Variants in ZC3H12B observed in about 807,000 individuals in gnomAD.
ZC3H12B encodes probable ribonuclease ZC3H12B.
Under a neutral mutation model 43.9 loss-of-function variants are expected in ZC3H12B, and 7 were observed. The ratio of observed to expected loss-of-function variants is 0.16; its 90% CI spans 0.09 to 0.30. The LOEUF is 0.30. Ranked by LOEUF, ZC3H12B falls within the 10% of genes least tolerant of loss-of-function variation. The pLI is 1.00. For missense variants in ZC3H12B, 475 were observed against 670.2 expected (o/e 0.71, Z 3.22); for synonymous variants, 222 against 241.7 (o/e 0.92, Z 0.76).
At chrX:65,119,743 T>A in the ZC3H12B span, among the ~76,000 whole-genome samples, 1 of 111,983 alleles carries the variant, frequency 8.9e-6, no homozygotes, top group South Asian at 3.7e-4. Flanking sequence ...CTGAATGGTA[T>A]TGCCTAGGTT....
At chrX:65,502,772 C>T in exon 5 of ZC3H12B, 1 of 1,209,354 alleles carries the variant, frequency 8.3e-7, no homozygotes, top group Non-Finnish European at 1.1e-6. Context: ...AACCCCCCAG[C>T]CAGGCCGTGC....
At chrX:65,182,197 A>G in the ZC3H12B span, among the ~76,000 whole-genome samples, 1 of 111,353 alleles carries the variant, frequency 9.0e-6, no homozygotes, top group Non-Finnish European at 1.9e-5. Context: ...GTGGGAGTTG[A>G]ACAATGAGAA....
intron 2 of ZC3H12B, among the ~76,000 whole-genome samples, chrX:65,375,703 C>A (rs1014287034): frequency 9.0e-6 from 1 of 111,141 alleles, no homozygotes; most frequent in Admixed American, 9.6e-5. Context: ...CAGAAGGGAA[C>A]CCACCACCTT....
chrX:65,043,539 T>C, the ZC3H12B span, among the ~76,000 whole-genome samples: 2 of 110,518 alleles, frequency 1.8e-5, no homozygotes, highest in Admixed American at 9.7e-5. Flanking sequence ...AACCTTGTGG[T>C]TTCTAGTTTT....
the ZC3H12B span, among the ~76,000 whole-genome samples, chrX:65,054,910 ATGTT>A: frequency 7.2e-5 from 8 of 111,389 alleles, no homozygotes; most frequent in African/African-American, 2.0e-4. Flanking sequence ...ATGTATAAGA[ATGTT>A]TGTGATTTTT....
chrX:65,292,082 A>G, the ZC3H12B span, among the ~76,000 whole-genome samples: 1 of 112,014 alleles, frequency 8.9e-6, no homozygotes, highest in African/African-American at 3.2e-5. Flanking sequence ...ACATATGAAG[A>G]CTTTAAAAGT....
chrX:65,106,232 C>T, the ZC3H12B span, among the ~76,000 whole-genome samples: 1 of 111,547 alleles, frequency 9.0e-6, no homozygotes, highest in South Asian at 3.7e-4. Context: ...TGGGCATCCA[C>T]TAATCATTAA....
intron 2 of ZC3H12B, among the ~76,000 whole-genome samples, chrX:65,373,995 TAGTATATATATATAACTATATATAC>T (rs1569379815): frequency 1.9e-5 from 1 of 51,718 alleles, no homozygotes; most frequent in Non-Finnish European, 2.8e-5. Context: ...TATATATATA[TAGTATATATATATAACTATATATAC>T]AGTATATATA....
the ZC3H12B span, among the ~76,000 whole-genome samples, chrX:65,158,408 A>G: frequency 3.6e-5 from 4 of 111,139 alleles, no homozygotes; most frequent in African/African-American, 1.3e-4. Context: ...AAGTGTTCCT[A>G]TTTCTCCACA....
chrX:65,324,055 T>A, the ZC3H12B span, among the ~76,000 whole-genome samples: 1 of 112,157 alleles, frequency 8.9e-6, no homozygotes, highest in South Asian at 3.6e-4. Context: ...GTTTTTTTCT[T>A]GTAAATTTGT....
At chrX:65,504,441 T>G (rs2068406525) in exon 5 of ZC3H12B, 1 of 112,475 alleles carries the variant, frequency 8.9e-6, no homozygotes, top group South Asian at 3.7e-4. Context: ...CTGCCAACAT[T>G]TATTAACAGT....
the ZC3H12B span, among the ~76,000 whole-genome samples, chrX:65,169,443 T>A: frequency 1.8e-5 from 2 of 112,023 alleles, no homozygotes; most frequent in Non-Finnish European, 3.8e-5. Flanking sequence ...TGAGGAGTGC[T>A]TTACTTCCAA....
the ZC3H12B span, among the ~76,000 whole-genome samples, chrX:65,264,910 G>A: frequency 9.0e-6 from 1 of 111,460 alleles, no homozygotes; most frequent in African/African-American, 3.3e-5. Flanking sequence ...ATCATAGAAT[G>A]TACAAGTTGA....
intron 3 of ZC3H12B, among the ~76,000 whole-genome samples, chrX:65,412,513 G>T (rs2066915581): frequency 9.0e-6 from 1 of 111,528 alleles, no homozygotes; most frequent in Admixed American, 9.5e-5. Flanking sequence ...TGTTCCCCAG[G>T]CTGGAATACA....
intron 3 of ZC3H12B, among the ~76,000 whole-genome samples, chrX:65,400,199 G>A (rs1198796605): frequency 3.6e-5 from 4 of 111,449 alleles, no homozygotes; most frequent in Admixed American, 2.9e-4. Context: ...AGCATCAATC[G>A]ATGTTATCAA....
chrX:65,250,628 T>C, the ZC3H12B span, among the ~76,000 whole-genome samples: 1 of 111,930 alleles, frequency 8.9e-6, no homozygotes, highest in Non-Finnish European at 1.9e-5. Flanking sequence ...TGATCACCAT[T>C]CTAACTGGCA....
the ZC3H12B span, among the ~76,000 whole-genome samples, chrX:65,281,632 G>A: frequency 8.9e-6 from 1 of 112,138 alleles, no homozygotes; most frequent in Non-Finnish European, 1.9e-5. Flanking sequence ...GCAGCAGAAC[G>A]AAACTAGACT....
At chrX:65,209,645 T>A in the ZC3H12B span, among the ~76,000 whole-genome samples, 1 of 109,860 alleles carries the variant, frequency 9.1e-6, no homozygotes, top group Non-Finnish European at 1.9e-5. Flanking sequence ...CTGAAAAAAA[T>A]GTATATTCTG....
the ZC3H12B span, among the ~76,000 whole-genome samples, chrX:65,136,754 G>A: frequency 9.0e-6 from 1 of 111,501 alleles, no homozygotes; most frequent in Non-Finnish European, 1.9e-5. Context: ...GAAGTCCCTA[G>A]TTAGGCTGCC....
Sources: allele counts gnomAD v4.1 joint callset (sites outside exome capture counted in the v4.1 genomes callset), GRCh38; gene constraint gnomAD v4.1.1; transcripts MANE v1.5; gene names NCBI Gene and HGNC (gene_info 2026-07-23, HGNC 2026-07-21).